RP2: variants seen among roughly 807,000 people sequenced by gnomAD.
RP2 encodes RP2 activator of ARL3 GTPase.
A neutral mutation model predicts 20.3 loss-of-function variants in RP2; 3 were observed. The observed-to-expected ratio is 0.15, with a 90% confidence interval of 0.07 to 0.38. RP2 has a LOEUF of 0.38. RP2 is among the 10% of genes least tolerant of loss of function. The probability of loss-of-function intolerance (pLI) is 1.00; values close to 1 mark genes in which losing one functional copy is unlikely to be tolerated. For synonymous variants in RP2, 75 were observed against 94.8 expected, an observed-to-expected ratio of 0.79 and a Z score of 1.22; for missense variants, 233 against 268.5, an observed-to-expected ratio of 0.87 and a Z score of 0.92.
At position 46,879,851 on chromosome X, in the gene RP2, A is replaced by C. The variant is rs1398522387; in HGVS notation, c.*82A>C. 2 of 576,747 alleles carry C rather than the reference A, an allele frequency of 3.5e-6. No homozygotes were observed. Among genetic ancestry groups the C allele is most frequent in the African/African-American group, 4.6e-5 (2 of 43,175 alleles). The allele number at this position is 576,747 out of a possible 1,213,427, so 47.5% of individuals were successfully genotyped here. ...ATTTGATAATACACTTTTGTGTATT[A>C]GCAATGGTTTTTACTAATGCTAAAA... is the stretch of plus-strand genomic sequence containing the variant. On this transcript the variant is annotated 3_prime_UTR_variant, in exon 5 of 5. Transcript: ENST00000218340.
intron 3 of RP2, among the ~76,000 whole-genome samples, chrX:46,870,301 G>A (rs782047485): frequency 9.0e-6 from 1 of 110,898 alleles, no homozygotes; most frequent in Non-Finnish European, 1.9e-5. Context: ...AAGAGACAGG[G>A]TCTTGCTTTG....
At chrX:46,852,737 C>T (rs1164380223) in intron 1 of RP2, among the ~76,000 whole-genome samples, 1 of 110,342 alleles carries the variant, frequency 9.1e-6, no homozygotes, top group Admixed American at 9.7e-5. Context: ...CATGCGCCAC[C>T]ACGCCTGGGT....
At chrX:46,847,586 A>G (rs905564884) in intron 1 of RP2, among the ~76,000 whole-genome samples, 13 of 105,638 alleles carry the variant, frequency 1.2e-4, no homozygotes, top group Non-Finnish European at 2.5e-4. Context: ...ATACATACAT[A>G]TACAAAACAA....
intron 1 of RP2, among the ~76,000 whole-genome samples, chrX:46,842,664 A>G (rs951383859): frequency 4.5e-5 from 5 of 111,536 alleles, no homozygotes; most frequent in Non-Finnish European, 9.4e-5. Context: ...GAAACCACAA[A>G]CTTATTTTCT....
intron 3 of RP2, among the ~76,000 whole-genome samples, chrX:46,869,160 C>T (rs2147086537): frequency 9.0e-6 from 1 of 110,855 alleles, no homozygotes; most frequent in South Asian, 3.8e-4. Flanking sequence ...GCCTGTAATC[C>T]CAGCAATTTG....
intron 4 of RP2, among the ~76,000 whole-genome samples, chrX:46,878,011 C>T (rs782172884): frequency 9.0e-5 from 10 of 110,534 alleles, no homozygotes; most frequent in Non-Finnish European, 1.7e-4. Context: ...TTCATTTTTA[C>T]GCCCAGGGTT....
intron 3 of RP2, among the ~76,000 whole-genome samples, chrX:46,867,516 C>T (rs185719727): frequency 8.9e-6 from 1 of 112,388 alleles, no homozygotes; most frequent in Admixed American, 9.4e-5. Flanking sequence ...TGAATAAAGC[C>T]AGTATAAACA....
intron 1 of RP2, among the ~76,000 whole-genome samples, chrX:46,839,114 C>T (rs1924568009): frequency 8.9e-6 from 1 of 112,302 alleles, no homozygotes; most frequent in South Asian, 3.6e-4. Context: ...AAGAGAATTA[C>T]CAGCTTACAT....
intron 1 of RP2, among the ~76,000 whole-genome samples, chrX:46,844,245 T>C (rs1924673809): frequency 9.0e-6 from 1 of 111,345 alleles, no homozygotes; most frequent in Non-Finnish European, 1.9e-5. Context: ...TTGTTACATA[T>C]GTATGCATGT....
chrX:46,839,135 T>C (rs1021484461), intron 1 of RP2, among the ~76,000 whole-genome samples: 1 of 112,657 alleles, frequency 8.9e-6, no homozygotes, highest in Non-Finnish European at 1.9e-5. Flanking sequence ...TTTGAGACAA[T>C]GCAGATACCA....
At position 46,879,925 on chromosome X, in the gene RP2, T is replaced by C. The variant is rs1925443267; in HGVS notation, c.*156T>C. 1 of 351,406 alleles carries C rather than the reference T, an allele frequency of 2.8e-6. No individual in the cohort carries two copies. The highest frequency in any genetic ancestry group is 5.0e-6 in the Non-Finnish European group (1 of 198,994). 29.0% of individuals were successfully genotyped at this position (351,406 alleles called of 1,213,427 possible). A position where few individuals can be genotyped will look rare whatever the true frequency, so the allele number is the denominator to read the frequency against. On this transcript the variant is annotated 3_prime_UTR_variant, in exon 5 of 5. Coordinates refer to ENST00000218340, the MANE Select transcript of RP2 (RefSeq NM_006915.3). ...AATTGTTGAGTATTACATCATTTAC[T>C]TGAGGTTCAAAAATAATTCATTTTA... is the stretch of plus-strand genomic sequence containing the variant.
In RP2 at chrX:46,877,514, T is replaced by C. The variant is rs1324428091; in HGVS notation, c.893T>C (p.Ile298Thr). The C allele has an allele frequency of 4.2e-6, 5 of 1,199,788 alleles. No individual in the cohort carries two copies. The highest frequency in any genetic ancestry group is 1.8e-5 in the South Asian group (1 of 56,628). The change falls in exon 4 of 5, where the codon ATT becomes ACT. Residue 298 changes from isoleucine (I) to threonine (T), a missense_variant. By Grantham distance (89) the Ile-to-Thr change is moderately conservative. Transcript: ENST00000218340. ...FLPLLNKGPV[I>T]ALEFNGDGAV... is the part of the protein sequence containing the mutation. ...TTGGGTTTGCTTATAGGTCCTGTTA[T>C]TGCCTTGGAGTTTAATGGGGATGGT... is the stretch of plus-strand genomic sequence containing the variant.
Position 46,837,212 on chromosome X carries a change from G to A in RP2, c.102+10G>A. 6.9e-6 allele frequency: 8 copies of A among 1,163,715 alleles called. No individual in the cohort carries two copies. Among genetic ancestry groups the A allele is most frequent in the Non-Finnish European group, 9.2e-6 (8 of 869,198 alleles). ...GGATCAGCGCGAGAAGGTAATGAAA[G>A]TCGTGTAGCCGCCGTCTCAGCCTCC... is the stretch of plus-strand genomic sequence containing the variant. On this transcript the variant is annotated intron_variant, in intron 1 of 4. Transcript: ENST00000218340.
intron 3 of RP2, among the ~76,000 whole-genome samples, chrX:46,875,657 C>G (rs940317242): frequency 9.0e-6 from 1 of 111,290 alleles, no homozygotes; most frequent in Non-Finnish European, 1.9e-5. Flanking sequence ...TATGTCTCAT[C>G]TTTGGCCATT....
chrX:46,879,578 A>G (rs1925436660), intron 4 of RP2, 108 bp from the exon 5 acceptor site: 2 of 480,476 alleles, frequency 4.2e-6, no homozygotes, highest in Admixed American at 7.2e-5. Context: ...ATGTACTTGA[A>G]CTTCTTTTGA....
chrX:46,872,633 C>A (rs920364586), intron 3 of RP2, among the ~76,000 whole-genome samples: 2 of 112,066 alleles, frequency 1.8e-5, no homozygotes, highest in African/African-American at 6.5e-5. Flanking sequence ...CTTCTCATCT[C>A]TGTGTCATTA....
Position 46,877,504 on chromosome X carries a change from G to T in RP2, c.884-1G>T. On this transcript the variant is annotated splice_acceptor_variant, in intron 3 of 4. Transcript: ENST00000218340. LOFTEE classifies it high-confidence loss of function. ...AAAATGTTTCTTGGGTTTGCTTATA[G>T]GTCCTGTTATTGCCTTGGAGTTTAA... 1 of 1,186,518 alleles carries T rather than the reference G, an allele frequency of 8.4e-7. No individual in the cohort carries two copies. The highest frequency in any genetic ancestry group is 1.1e-6 in the Non-Finnish European group (1 of 872,513).
At chrX:46,847,717 T>TATATGTGTGCGTATATACACAC (rs1924746334) in intron 1 of RP2, among the ~76,000 whole-genome samples, 1 of 67,971 alleles carries the variant, frequency 1.5e-5, no homozygotes, top group African/African-American at 5.9e-5. Flanking sequence ...TATACACACA[T>TATATGTGTGCGTATATACACAC]ATATGTGTGT....
chrX:46,854,230 T>G, intron 2 of RP2, 89 bp downstream of exon 2: 1 of 933,834 alleles, frequency 1.1e-6, no homozygotes, highest in South Asian at 2.1e-5. Flanking sequence ...AATTGGCTAT[T>G]GGAAATACAG....
Sources: gnomAD v4.1 joint callset for allele counts (sites outside exome capture counted in the v4.1 genomes callset) on GRCh38, gnomAD v4.1.1 for gene constraint, MANE v1.5 for transcripts, NCBI Gene and HGNC (gene_info 2026-07-23, HGNC 2026-07-21) for gene names.